Variants in RIN3 observed in about 807,000 individuals in gnomAD.
The protein encoded by RIN3 is Ras and Rab interactor 3, also known as RAB5 interacting protein 3.
A neutral mutation model predicts 76.3 loss-of-function variants in RIN3; 54 were observed. That is an observed-to-expected ratio of 0.71 (90% CI 0.57 to 0.89). The LOEUF is 0.89. RIN3 is among the 40% of genes least tolerant of loss of function. The probability of loss-of-function intolerance (pLI) is 0.00; values close to 1 mark genes in which losing one functional copy is unlikely to be tolerated. For synonymous variants in RIN3, 576 were observed against 564.0 expected, an observed-to-expected ratio of 1.02 and a Z score of -0.30; for missense variants, 1,256 against 1,322.1, an observed-to-expected ratio of 0.95 and a Z score of 0.78.
chr14:92,526,299 A>G (rs1212011988), intron 1 of RIN3, among the ~76,000 whole-genome samples: 1 of 151,802 alleles, frequency 6.6e-6, no homozygotes, highest in Non-Finnish European at 1.5e-5. Context: ...CTACTAAAAA[A>G]TTTTTTAAAA....
At chr14:92,590,733 C>T (rs1418489998) in intron 3 of RIN3, among the ~76,000 whole-genome samples, 1 of 152,170 alleles carries the variant, frequency 6.6e-6, no homozygotes, top group Non-Finnish European at 1.5e-5. Context: ...CCCATTTTAG[C>T]CATCCTGCCC....
intron 3 of RIN3, among the ~76,000 whole-genome samples, chr14:92,579,872 G>A (rs1566852096): frequency 1.3e-5 from 2 of 152,382 alleles, no homozygotes; most frequent in South Asian, 4.1e-4. Context: ...TCTGGCTGGG[G>A]ACATGGAGGA....
chr14:92,627,256 G>T (rs1886390175), intron 4 of RIN3, among the ~76,000 whole-genome samples: 1 of 152,080 alleles, frequency 6.6e-6, no homozygotes, highest in Non-Finnish European at 1.5e-5. Flanking sequence ...TTCTCTAGAG[G>T]CTCAACCCCC....
chr14:92,614,799 T>TTATATATA (rs144127255), intron 3 of RIN3, among the ~76,000 whole-genome samples: 6 of 103,404 alleles, frequency 5.8e-5, no homozygotes, highest in African/African-American at 9.6e-5. Flanking sequence ...TTAAACCTCT[T>TTATATATA]TATATATATA....
chr14:92,600,319 G>A (rs1015827352), intron 3 of RIN3, among the ~76,000 whole-genome samples: 14 of 152,296 alleles, frequency 9.2e-5, no homozygotes, highest in African/African-American at 2.4e-4. Context: ...GCCCTAACAC[G>A]CACCCTCTTT....
rs34729914 is a variant in RIN3 at position 92,567,624 on chromosome 14, ATTT to A, written c.250-9720_250-9718del. ...AACTCCACAGTGTCTCTTCTGCTGC[ATTT>A]TTTTTTTTTTTTTTTGGTCAATGCC... is the stretch of plus-strand genomic sequence containing the variant. On this transcript the variant is annotated intron_variant, in intron 2 of 9. Transcript: ENST00000216487. Among the ~76,000 whole-genome samples, 1,325 of 133,578 alleles carry A rather than the reference ATTT, an allele frequency of 9.9e-3. 12 individuals carry two copies. The highest frequency in any genetic ancestry group is 0.029 in the African/African-American group (1,026 of 35,580). 87.6% of individuals were successfully genotyped at this position (133,578 alleles called of 152,430 possible).
At chr14:92,677,256 T>TTCCCACCACATCCTCCC (rs1888500022) in intron 8 of RIN3, among the ~76,000 whole-genome samples, 1 of 152,120 alleles carries the variant, frequency 6.6e-6, no homozygotes, top group African/African-American at 2.4e-5. Flanking sequence ...CCTTTCCTCC[T>TTCCCACCACATCCTCCC]TCCCACCACA....
At position 92,688,009 on chromosome 14, in the gene RIN3, G is replaced by A. The variant is rs1392253497; in HGVS notation, c.2715G>A (p.Leu905=). The A allele has an allele frequency of 1.3e-6, 2 of 1,577,544 alleles. No individual in the cohort carries two copies. Among genetic ancestry groups the A allele is most frequent in the Middle Eastern group, 1.7e-4 (1 of 5,816 alleles). The change falls in exon 10 of 10, where the codon CTG becomes CTA. Residue 905 remains leucine (L), a synonymous_variant. Coordinates refer to ENST00000216487, the MANE Select transcript of RIN3 (RefSeq NM_024832.5). ...ASRADTQAQA[L]CAQCAEKFAV... is the part of the protein sequence containing the mutation. Reference sequence around the variant, plus strand: ...GGGCGGACACCCAGGCCCAGGCGCTGTGCGCGCAGTGCGCGGAGAAGTTCG... The same window carrying A: ...GGGCGGACACCCAGGCCCAGGCGCTATGCGCGCAGTGCGCGGAGAAGTTCG...
intron 1 of RIN3, among the ~76,000 whole-genome samples, chr14:92,542,585 T>C (rs1432488001): frequency 6.6e-6 from 1 of 152,138 alleles, no homozygotes; most frequent in Admixed American, 6.5e-5. Context: ...CCAAGAGAAC[T>C]GAAAACATAG....
intron 1 of RIN3, among the ~76,000 whole-genome samples, chr14:92,519,910 A>G (rs987925730): frequency 6.6e-6 from 1 of 152,164 alleles, no homozygotes; most frequent in Non-Finnish European, 1.5e-5. Context: ...CAGCGTTTAT[A>G]CAAGAGTCTG....
At chr14:92,672,668 G>A (rs1403595576) in intron 7 of RIN3, among the ~76,000 whole-genome samples, 1 of 151,928 alleles carries the variant, frequency 6.6e-6, no homozygotes, top group Non-Finnish European at 1.5e-5. Context: ...GCATGTGTGT[G>A]TGTGTGTGTG....
At chr14:92,574,187 A>G (rs1898146753) in intron 2 of RIN3, among the ~76,000 whole-genome samples, 1 of 152,188 alleles carries the variant, frequency 6.6e-6, no homozygotes, top group Non-Finnish European at 1.5e-5. Flanking sequence ...CTGCAGAGAG[A>G]GGGGGTCCTG....
chr14:92,591,236 G>A (rs1335250811), intron 3 of RIN3, among the ~76,000 whole-genome samples: 1 of 152,152 alleles, frequency 6.6e-6, no homozygotes, highest in African/African-American at 2.4e-5. Context: ...ACATGGCTGA[G>A]AAAGGAATCT....
intron 2 of RIN3, among the ~76,000 whole-genome samples, chr14:92,572,877 CTTTTTTTTTTT>C (rs763771909): frequency 1.3e-4 from 13 of 100,112 alleles, no homozygotes; most frequent in South Asian, 6.7e-4. Context: ...CTTTTTTTTG[CTTTTTTTTTTT>C]TTTTTTTTTT....
chr14:92,649,730 G>A (rs372759925), intron 5 of RIN3, among the ~76,000 whole-genome samples: 127 of 152,330 alleles, frequency 8.3e-4, no homozygotes, highest in African/African-American at 2.9e-3. Context: ...CATGTCCTCG[G>A]TGACTGTGAT....
rs1156719720 is a variant in RIN3, at chr14:92,514,740, G to A, written c.44+764G>A. ...CCCCAGCCCCACCTCGCGAGCTCGG[G>A]CATTGCTCGGGGCTGGGCTCTGGGA... On this transcript the variant is annotated intron_variant, in intron 1 of 9. Coordinates refer to ENST00000216487, the MANE Select transcript of RIN3 (RefSeq NM_024832.5). This position sits in a 1 kb window ranked among gnomAD's most constrained non-coding sequence, Gnocchi z 7.2. Among the ~76,000 whole-genome samples, 1 of 152,238 alleles carries A rather than the reference G, an allele frequency of 6.6e-6. No homozygotes were observed. Among genetic ancestry groups the A allele is most frequent in the Non-Finnish European group, 1.5e-5 (1 of 68,046 alleles).
At chr14:92,604,263 C>A (rs1885449007) in intron 3 of RIN3, among the ~76,000 whole-genome samples, 1 of 152,252 alleles carries the variant, frequency 6.6e-6, no homozygotes, top group Non-Finnish European at 1.5e-5. Flanking sequence ...GAACCAGTCC[C>A]CAGCCCCTTG....
rs533351314 is a variant in RIN3 at position 92,674,245 on chromosome 14, A to G, written c.2336-2230A>G. On this transcript the variant is annotated intron_variant, in intron 7 of 9. Coordinates refer to ENST00000216487, the MANE Select transcript of RIN3 (RefSeq NM_024832.5). ...GATTTGAACCCAGGTCTGGGGTTGG[A>G]GACTCAGCCTTCACACCGCGCCTCT... is the stretch of plus-strand genomic sequence containing the variant. Among the ~76,000 whole-genome samples, 5 of 152,260 alleles carry G rather than the reference A, an allele frequency of 3.3e-5. No individual in the cohort carries two copies. The East Asian group carries it at 9.7e-4, about 29-fold the overall frequency.
chr14:92,646,426 A>G (rs1887202336), intron 5 of RIN3, among the ~76,000 whole-genome samples: 1 of 152,056 alleles, frequency 6.6e-6, no homozygotes, highest in Non-Finnish European at 1.5e-5. Context: ...AAAGTCAAGC[A>G]TGTTGTGTTT....
Sources: allele counts gnomAD v4.1 joint callset (sites outside exome capture counted in the v4.1 genomes callset), GRCh38; gene constraint gnomAD v4.1.1; non-coding constraint Gnocchi (gnomAD v3.1); transcripts MANE v1.5; gene names NCBI Gene and HGNC (gene_info 2026-07-23, HGNC 2026-07-21).